Variants in JARID2 observed in about 807,000 individuals in gnomAD.
JARID2 encodes jumonji and AT-rich interaction domain containing 2.
A neutral mutation model predicts 125.6 loss-of-function variants in JARID2; 21 were observed. The ratio of observed to expected loss-of-function variants is 0.17; its 90% CI spans 0.12 to 0.24. The LOEUF is 0.24. Among genes scored for constraint, JARID2 ranks in the 10% least tolerant of loss-of-function variants. The pLI is 1.00. For synonymous variants in JARID2, 736 were observed against 661.6 expected, an observed-to-expected ratio of 1.11 and a Z score of -1.73; for missense variants, 1,303 against 1,639.6, an observed-to-expected ratio of 0.79 and a Z score of 3.55.
intron 4 of JARID2, among the ~76,000 whole-genome samples, chr6:15,467,295 G>C (rs1275332911): frequency 1.3e-5 from 2 of 152,160 alleles, no homozygotes; most frequent in African/African-American, 4.8e-5. Context: ...TCTCTATTTA[G>C]GTAGGAGAGT....
At chr6:15,306,324 A>ATTTCT in intron 1 of JARID2, among the ~76,000 whole-genome samples, 1 of 111,934 alleles carries the variant, frequency 8.9e-6, no homozygotes, top group Admixed American at 9.1e-5. Flanking sequence ...ACATAGTCAT[A>ATTTCT]TTTCTTTTTT....
At chr6:15,255,201 G>A (rs555188197) in intron 1 of JARID2, among the ~76,000 whole-genome samples, 8 of 145,872 alleles carry the variant, frequency 5.5e-5, no homozygotes, top group East Asian at 4.0e-4. Flanking sequence ...GTACAGTGGC[G>A]CTATCTCATT....
intron 3 of JARID2, among the ~76,000 whole-genome samples, chr6:15,416,722 G>C (rs1323943331): frequency 6.8e-6 from 1 of 146,754 alleles, no homozygotes; most frequent in Non-Finnish European, 1.5e-5. Flanking sequence ...AGAGGGAGAG[G>C]GGGGAGAGGG....
chr6:15,458,327 G>T (rs1288139501), intron 4 of JARID2, among the ~76,000 whole-genome samples: 1 of 152,216 alleles, frequency 6.6e-6, no homozygotes, highest in African/African-American at 2.4e-5. Flanking sequence ...GACTCCTGAA[G>T]CATGCAAACC....
At chr6:15,258,995 A>G (rs576975555) in intron 1 of JARID2, among the ~76,000 whole-genome samples, 29 of 152,256 alleles carry the variant, frequency 1.9e-4, no homozygotes, top group African/African-American at 5.5e-4. Context: ...CTTCTCACCA[A>G]GGCTTGGTTT....
At chr6:15,250,533 A>G (rs970554817) in intron 1 of JARID2, among the ~76,000 whole-genome samples, 1 of 152,186 alleles carries the variant, frequency 6.6e-6, no homozygotes, top group Non-Finnish European at 1.5e-5. Context: ...AGCTCCTATC[A>G]CTGTACAGGG....
At chr6:15,415,369 C>T (rs540735552) in intron 3 of JARID2, among the ~76,000 whole-genome samples, 3 of 151,492 alleles carry the variant, frequency 2.0e-5, no homozygotes, top group Non-Finnish European at 4.4e-5. Context: ...CAGAGGGGCT[C>T]CTCACTTCCC....
At chr6:15,326,009 A>C (rs1303637385) in intron 1 of JARID2, among the ~76,000 whole-genome samples, 16 of 152,190 alleles carry the variant, frequency 1.1e-4, no homozygotes, top group Admixed American at 1.0e-3. Context: ...TGATTGTATA[A>C]TTTTCTAAAT....
At chr6:15,399,491 C>CTGTGTG (rs149254141) in intron 2 of JARID2, among the ~76,000 whole-genome samples, 1 of 150,772 alleles carries the variant, frequency 6.6e-6, no homozygotes, top group Admixed American at 6.6e-5. Context: ...TTCGTGATGT[C>CTGTGTG]TGTGTGTGTG....
intron 2 of JARID2, among the ~76,000 whole-genome samples, chr6:15,386,847 C>G (rs1764807283): frequency 6.6e-6 from 1 of 152,202 alleles, no homozygotes; most frequent in Non-Finnish European, 1.5e-5. Context: ...AATAAGAACC[C>G]TGCGATTGGA....
In JARID2 at chr6:15,468,539, C is replaced by G. The variant is rs769820467; in HGVS notation, c.494-3C>G. 2 of 1,608,012 alleles carry G rather than the reference C, an allele frequency of 1.2e-6. No individual in the cohort carries two copies. The highest frequency in any genetic ancestry group is 1.1e-5 in the South Asian group (1 of 90,462). On this transcript the variant is annotated splice_region_variant and splice_polypyrimidine_tract_variant and intron_variant, in intron 4 of 17. Coordinates refer to ENST00000341776, the MANE Select transcript of JARID2 (RefSeq NM_004973.4). Reference sequence around the variant, plus strand: ...TTATGAGCTGTTTTTCTTATTCCACCAGGTTCTCCTGCGCTGCCCAACAGC... The same window carrying G: ...TTATGAGCTGTTTTTCTTATTCCACGAGGTTCTCCTGCGCTGCCCAACAGC...
chr6:15,401,157 T>C lies in JARID2; in HGVS notation c.182-9067T>C. ...ATCCATTGTGGATGGCAAGGTGCTA[T>C]ATATATATATATATATGAGAGACTA... On this transcript the variant is annotated intron_variant, in intron 2 of 17. Transcript: ENST00000341776. 3.6e-6 allele frequency: 3 copies of C among 829,552 alleles called. No individual in the cohort carries two copies. The South Asian group carries it at 6.1e-5, about 17-fold the overall frequency. 51.4% of individuals were successfully genotyped at this position (829,552 alleles called of 1,614,324 possible).
At chr6:15,415,550 A>C (rs1766121383) in intron 3 of JARID2, among the ~76,000 whole-genome samples, 1 of 130,896 alleles carries the variant, frequency 7.6e-6, no homozygotes, top group Middle Eastern at 4.4e-3. Flanking sequence ...TCCCGGGCAG[A>C]GGCGCCCCTC....
chr6:15,279,167 A>G (rs1328926311), intron 1 of JARID2, among the ~76,000 whole-genome samples: 1 of 134,340 alleles, frequency 7.4e-6, no homozygotes, highest in Non-Finnish European at 1.5e-5. Context: ...TATATGGACA[A>G]TAAATTGCCT....
intron 2 of JARID2, among the ~76,000 whole-genome samples, chr6:15,403,338 C>G (rs934351924): frequency 7.2e-5 from 11 of 151,936 alleles, no homozygotes; most frequent in African/African-American, 2.7e-4. Context: ...TTTCTGTCCC[C>G]CTGGGATTGT....
intron 1 of JARID2, among the ~76,000 whole-genome samples, chr6:15,307,902 G>A (rs905332424): frequency 6.6e-6 from 1 of 152,200 alleles, no homozygotes; most frequent in African/African-American, 2.4e-5. Flanking sequence ...CTCCCAGCCA[G>A]CGTAGCTTAA....
intron 5 of JARID2, among the ~76,000 whole-genome samples, chr6:15,469,119 C>T (rs1052868284): frequency 1.3e-5 from 2 of 151,910 alleles, no homozygotes; most frequent in African/African-American, 4.8e-5. Context: ...ATTGCACATA[C>T]ATTCTGAAGT....
chr6:15,342,921 G>C (rs1015954210), intron 1 of JARID2, among the ~76,000 whole-genome samples: 3 of 152,076 alleles, frequency 2.0e-5, no homozygotes, highest in Admixed American at 6.5e-5. Flanking sequence ...AAATAGTGAC[G>C]GTTAGGCCTG....
Position 15,513,008 on chromosome 6 carries a change from A to G in JARID2, c.3229A>G (p.Thr1077Ala), listed in dbSNP as rs1303856450. 6.2e-7 allele frequency: 1 copy of G among 1,613,968 alleles called. No individual in the cohort carries two copies. Among genetic ancestry groups the G allele is most frequent in the Admixed American group, 1.7e-5 (1 of 60,022 alleles). ...QAEAKKENGP[T>A]LSTISALLDE... ...AGAAGCAAAAAAAGAAAACGGTCCC[A>G]CTCTCAGTACCATCTCAGCCCTCCT... The change falls in exon 15 of 18, where the codon ACT (threonine) becomes GCT (alanine). Residue 1077 changes from threonine (T) to alanine (A), a missense_variant. Transcript: ENST00000341776.
Sources: allele counts gnomAD v4.1 joint callset (sites outside exome capture counted in the v4.1 genomes callset), GRCh38; gene constraint gnomAD v4.1.1; transcripts MANE v1.5; gene names NCBI Gene and HGNC (gene_info 2026-07-23, HGNC 2026-07-21).